The following PACSIN2 variants were observed in gnomAD, a reference collection of about 807,000 sequenced individuals.
The protein encoded by PACSIN2 is protein kinase C and casein kinase substrate in neurons 2.
A neutral mutation model predicts 63.8 loss-of-function variants in PACSIN2; 25 were observed. The ratio of observed to expected loss-of-function variants is 0.39; its 90% confidence interval spans 0.29 to 0.55. The LOEUF is 0.55. Among genes scored for constraint, PACSIN2 ranks in the 20% least tolerant of loss-of-function variants. The pLI is 0.62. For missense variants in PACSIN2, 518 were observed against 646.9 expected (o/e 0.80, Z 2.16); for synonymous variants, 255 against 256.2 (o/e 1.00, Z 0.05).
chr22:42,917,942 C>T (rs1181817742), intron 1 of PACSIN2, among the ~76,000 whole-genome samples: 1 of 152,100 alleles, frequency 6.6e-6, no homozygotes, highest in African/African-American at 2.4e-5. Context: ...TCTTTTTATG[C>T]CTTAATGGTG....
At chr22:42,910,821 G>A (rs909532097) in intron 2 of PACSIN2, among the ~76,000 whole-genome samples, 3 of 152,158 alleles carry the variant, frequency 2.0e-5, no homozygotes, top group Non-Finnish European at 4.4e-5. Context: ...ATTTATTTCT[G>A]CTGTGGCAGA....
intron 1 of PACSIN2, among the ~76,000 whole-genome samples, chr22:42,987,332 A>G (rs919870583): frequency 1.3e-5 from 2 of 151,708 alleles, no homozygotes; most frequent in Non-Finnish European, 2.9e-5. Flanking sequence ...CACAGATAAA[A>G]ATTTCATCTC....
chr22:42,976,622 G>C (rs1284309852), intron 1 of PACSIN2, among the ~76,000 whole-genome samples: 1 of 152,200 alleles, frequency 6.6e-6, no homozygotes, highest in Non-Finnish European at 1.5e-5. Flanking sequence ...CGGCAGAATT[G>C]TATTACATGC....
rs192038503 is a variant in PACSIN2, at chr22:43,012,064, G to A, written c.-78+2957C>T. The stretch of plus-strand genomic sequence containing the variant: ...GGAGGCTGAGGCAGGGGAATCACTT[G>A]AACCTGGGAGGCAGAGGTTACAGTG... On this transcript the variant is annotated intron_variant, in intron 1 of 10. Coordinates refer to ENST00000263246, the MANE Select transcript of PACSIN2 (RefSeq NM_001184970.3). Among the ~76,000 whole-genome samples the A allele has an allele frequency of 2.5e-3, 382 of 152,242 alleles. 3 individuals are homozygous for A. Among genetic ancestry groups the A allele is most frequent in the African/African-American group, 8.7e-3 (362 of 41,540 alleles).
intron 1 of PACSIN2, among the ~76,000 whole-genome samples, chr22:42,986,190 A>C (rs1922599521): frequency 1.3e-5 from 2 of 152,242 alleles, no homozygotes; most frequent in Admixed American, 1.3e-4. Flanking sequence ...GAGATTTAAA[A>C]GAGGTAAATG....
chr22:42,885,566 C>A (rs1308661416), intron 5 of PACSIN2, among the ~76,000 whole-genome samples: 9 of 152,232 alleles, frequency 5.9e-5, no homozygotes, highest in Admixed American at 4.6e-4. Context: ...CCTCTCTGCC[C>A]CCAGCTGGGA....
chr22:42,993,676 T>C (rs1239918671), intron 1 of PACSIN2: 1 of 152,234 alleles, frequency 6.6e-6, no homozygotes, highest in Admixed American at 6.5e-5. Context: ...GATAACACGA[T>C]TGCAGACTGT....
chr22:43,009,277 A>G (rs1316613773), intron 1 of PACSIN2, among the ~76,000 whole-genome samples: 1 of 152,198 alleles, frequency 6.6e-6, no homozygotes, highest in Non-Finnish European at 1.5e-5. Flanking sequence ...ACAGGAAGGA[A>G]TATCTATTGC....
intron 1 of PACSIN2, among the ~76,000 whole-genome samples, chr22:42,930,071 G>A (rs565901832): frequency 5.9e-5 from 9 of 152,286 alleles, no homozygotes; most frequent in East Asian, 1.9e-4. Flanking sequence ...AAAGTTCGCC[G>A]TGTTAAATAT....
chr22:42,913,123 T>A (rs913618476), intron 1 of PACSIN2, among the ~76,000 whole-genome samples: 1 of 152,192 alleles, frequency 6.6e-6, no homozygotes, highest in Non-Finnish European at 1.5e-5. Flanking sequence ...CCATTACTTA[T>A]GAGGTGGGCA....
At position 42,997,975 on chromosome 22, in the gene PACSIN2, C is replaced by T. The variant is rs367665393; in HGVS notation, c.-78+17046G>A. On this transcript the variant is annotated intron_variant, in intron 1 of 10. Transcript: ENST00000263246. ...AGTGACCACCGTTAGGTGAGCAAGG[C>T]AGTAAAATTACAGAGCAAAATCTAA... is the stretch of plus-strand genomic sequence containing the variant. 6.0e-4 allele frequency among the ~76,000 whole-genome samples: 92 copies of T among 152,288 alleles called. 1 individual carries two copies. The highest frequency in any genetic ancestry group is 3.4e-3 in the Middle Eastern group (1 of 294).
intron 1 of PACSIN2, among the ~76,000 whole-genome samples, chr22:42,999,893 G>A (rs939338436): frequency 1.3e-5 from 2 of 152,258 alleles, no homozygotes; most frequent in Non-Finnish European, 2.9e-5. Context: ...CCCAAGGCAA[G>A]ATGGTTGGCA....
At chr22:42,971,227 A>G (rs1422938129) in intron 1 of PACSIN2, among the ~76,000 whole-genome samples, 1 of 152,116 alleles carries the variant, frequency 6.6e-6, no homozygotes, top group Non-Finnish European at 1.5e-5. Flanking sequence ...CTGGGATTGC[A>G]GGCGCGCGCC....
In PACSIN2 at chr22:42,871,478, C is replaced by T; in HGVS notation, c.1349-9G>A. ...CTTGGTCAGCTCATCCCCTGCAAGACAAAGAGGGAGCCGTCTCCATGAGAG... is the reference window on the plus strand; with the variant it reads ...CTTGGTCAGCTCATCCCCTGCAAGATAAAGAGGGAGCCGTCTCCATGAGAG... On this transcript the variant is annotated splice_polypyrimidine_tract_variant and intron_variant, in intron 10 of 10. Coordinates refer to ENST00000263246, the MANE Select transcript of PACSIN2 (RefSeq NM_001184970.3). This position sits in a 1 kb window ranked among gnomAD's most constrained non-coding sequence, Gnocchi z 5.4. 7 of 1,601,800 alleles carry T rather than the reference C, an allele frequency of 4.4e-6. No individual in the cohort carries two copies. The highest frequency in any genetic ancestry group is 5.1e-6 in the Non-Finnish European group (6 of 1,168,670).
rs1351724608 is a variant in PACSIN2, at chr22:42,947,403, G to A, written c.-77-35246C>T. Among the ~76,000 whole-genome samples the A allele has an allele frequency of 2.0e-5, 3 of 152,050 alleles. No homozygotes were observed. In the East Asian group the frequency reaches 5.8e-4, roughly 29 times the overall value. On this transcript the variant is annotated intron_variant, in intron 1 of 10. Coordinates refer to ENST00000263246, the MANE Select transcript of PACSIN2 (RefSeq NM_001184970.3). ...TTCAGGCAGCCCCTTCTAGAAGCAG[G>A]ACTTCCTGTCACACAAAGGGCCTCT... is the stretch of plus-strand genomic sequence containing the variant.
Position 42,956,780 on chromosome 22 carries a change from G to A in PACSIN2, c.-77-44623C>T, listed in dbSNP as rs143473728. ...GGGGCTGCCGTTTAACCCCTTCTCA[G>A]TTTGGAGCAATGCCAGCACTGCAAC... On this transcript the variant is annotated intron_variant, in intron 1 of 10. Coordinates refer to ENST00000263246, the MANE Select transcript of PACSIN2 (RefSeq NM_001184970.3). Among the ~76,000 whole-genome samples, 381 of 152,224 alleles carry A rather than the reference G, an allele frequency of 2.5e-3. 3 individuals are homozygous for A. Among genetic ancestry groups the A allele is most frequent in the African/African-American group, 8.7e-3 (361 of 41,538 alleles).
At chr22:43,009,168 C>T (rs1459237778) in intron 1 of PACSIN2, among the ~76,000 whole-genome samples, 1 of 152,114 alleles carries the variant, frequency 6.6e-6, no homozygotes, top group Non-Finnish European at 1.5e-5. Context: ...ATGGAAAAGC[C>T]CCAGGATGGC....
At chr22:42,934,702 G>GT in intron 1 of PACSIN2, among the ~76,000 whole-genome samples, 1 of 152,312 alleles carries the variant, frequency 6.6e-6, no homozygotes, top group African/African-American at 2.4e-5. Context: ...TCCCGTTATA[G>GT]TTCCTCTATG....
intron 2 of PACSIN2, among the ~76,000 whole-genome samples, chr22:42,898,567 G>C (rs1374883874): frequency 6.6e-6 from 1 of 152,058 alleles, no homozygotes; most frequent in East Asian, 1.9e-4. Context: ...CACTGTGCCC[G>C]GCTGAGAACC....
Sources: allele counts gnomAD v4.1 joint callset (sites outside exome capture counted in the v4.1 genomes callset), GRCh38; gene constraint gnomAD v4.1.1; non-coding constraint Gnocchi (gnomAD v3.1); transcripts MANE v1.5; gene names NCBI Gene and HGNC (gene_info 2026-07-23, HGNC 2026-07-21).